The following MMRN1 variants were observed in gnomAD, a reference collection of about 807,000 sequenced individuals.
MMRN1 encodes the protein multimerin-1.
A neutral mutation model predicts 100.7 loss-of-function variants in MMRN1; 94 were observed. The observed-to-expected ratio is 0.93, with a 90% confidence interval of 0.79 to 1.11. The LOEUF (loss-of-function observed/expected upper bound fraction) is 1.11, where lower values mean the gene tolerates loss of function less well. Among genes scored for constraint, MMRN1 ranks in the 50% least tolerant of loss-of-function variants. MMRN1 has a pLI of 0.00. For missense variants in MMRN1, 1,606 were observed against 1,439.1 expected, an observed-to-expected ratio of 1.12 and a Z score of -1.88; for synonymous variants, 575 against 505.0, an observed-to-expected ratio of 1.14 and a Z score of -1.86.
rs556319285 is a variant in MMRN1 at position 89,888,648 on chromosome 4, G to A, written c.-248-6076G>A. Among the ~76,000 whole-genome samples, 7 of 151,588 alleles carry A rather than the reference G, an allele frequency of 4.6e-5. No homozygotes were observed. In the South Asian group the frequency reaches 1.5e-3, roughly 31 times the overall value. On this transcript the variant is annotated intron_variant, in intron 1 of 8. Transcript: ENST00000394980. ...TCGTTCACATATTCATCTTTTTTGT[G>A]TTTCAGTTTTGATAATCTCTTCTGA... is the stretch of plus-strand genomic sequence containing the variant.
intron 3 of MMRN1, among the ~76,000 whole-genome samples, chr4:89,922,158 G>T (rs1363988663): frequency 6.6e-6 from 1 of 152,134 alleles, no homozygotes; most frequent in African/African-American, 2.4e-5. Context: ...CAGCTGGAGT[G>T]CAGTGATGCC....
At chr4:89,925,188 G>A (rs1417053371) in intron 4 of MMRN1, among the ~76,000 whole-genome samples, 1 of 151,454 alleles carries the variant, frequency 6.6e-6, no homozygotes, top group East Asian at 1.9e-4. Context: ...CCAGGCAGGA[G>A]TGCAGTGGAG....
intron 1 of MMRN1, among the ~76,000 whole-genome samples, chr4:89,907,248 G>T (rs1721595983): frequency 6.6e-6 from 1 of 151,424 alleles, no homozygotes; most frequent in South Asian, 2.1e-4. Flanking sequence ...TGTCACCAGT[G>T]ATTTAACAAC....
At chr4:89,922,545 CAGTAG>C (rs1722123341) in intron 3 of MMRN1, among the ~76,000 whole-genome samples, 2 of 152,068 alleles carry the variant, frequency 1.3e-5, no homozygotes. Flanking sequence ...GTAAATTCTT[CAGTAG>C]AGTAGATTTA....
chr4:89,952,928 G>A (rs1275487381), intron 7 of MMRN1, 69 bp from the exon 8 acceptor site: 54 of 1,379,922 alleles, frequency 3.9e-5, no homozygotes, highest in Admixed American at 1.8e-4. Context: ...TAAAAATGAC[G>A]AAGATATAAG....
intron 2 of MMRN1, among the ~76,000 whole-genome samples, chr4:89,910,843 G>T (rs1235512856): frequency 6.6e-6 from 1 of 151,278 alleles, no homozygotes; most frequent in Non-Finnish European, 1.5e-5. Context: ...AAACTGAAAC[G>T]TAAGTCTCTA....
intron 5 of MMRN1, among the ~76,000 whole-genome samples, chr4:89,930,862 A>G (rs1157652126): frequency 6.6e-6 from 1 of 152,098 alleles, no homozygotes; most frequent in African/African-American, 2.4e-5. Flanking sequence ...AATGCTAAGC[A>G]AAATGTAGAA....
upstream of MMRN1, chr4:89,894,845 T>G: frequency 2.1e-6 from 3 of 1,440,516 alleles, no homozygotes; most frequent in African/African-American, 4.3e-5. Context: ...AGAAACCTGT[T>G]TCCTCTACAC....
chr4:89,916,423 G>A (rs1233077463), intron 3 of MMRN1, among the ~76,000 whole-genome samples: 1 of 150,778 alleles, frequency 6.6e-6, no homozygotes, highest in Non-Finnish European at 1.5e-5. Flanking sequence ...AAGCAAATGG[G>A]AAACTTTATG....
At chr4:89,900,174 A>G (rs1012725544) in intron 1 of MMRN1, among the ~76,000 whole-genome samples, 1 of 152,160 alleles carries the variant, frequency 6.6e-6, no homozygotes, top group Non-Finnish European at 1.5e-5. Context: ...CTATCTGACC[A>G]CTAGTGACTG....
At chr4:89,948,011 C>A (rs1364108895) in intron 6 of MMRN1, among the ~76,000 whole-genome samples, 1 of 152,062 alleles carries the variant, frequency 6.6e-6, no homozygotes, top group Non-Finnish European at 1.5e-5. Context: ...CACCACCACA[C>A]CCAGCTAATT....
At chr4:89,942,929 T>A (rs1489878429) in intron 6 of MMRN1, among the ~76,000 whole-genome samples, 1 of 152,198 alleles carries the variant, frequency 6.6e-6, no homozygotes, top group African/African-American at 2.4e-5. Context: ...CCAGACTTTA[T>A]AATCTTAAAC....
At chr4:89,897,526 G>A (rs532626288) in intron 1 of MMRN1, among the ~76,000 whole-genome samples, 139 of 152,068 alleles carry the variant, frequency 9.1e-4, no homozygotes, top group Middle Eastern at 3.4e-3. Flanking sequence ...TTAATAGAAA[G>A]GGAAATATAA....
intron 2 of MMRN1, among the ~76,000 whole-genome samples, chr4:89,910,553 T>C (rs1160946314): frequency 6.6e-6 from 1 of 151,404 alleles, no homozygotes; most frequent in Non-Finnish European, 1.5e-5. Context: ...GCAACAGATA[T>C]TCAGTTTGCC....
intron 6 of MMRN1, among the ~76,000 whole-genome samples, chr4:89,941,963 T>A (rs866793780): frequency 2.0e-5 from 3 of 152,150 alleles, no homozygotes; most frequent in Non-Finnish European, 4.4e-5. Flanking sequence ...TATGGAAGAA[T>A]GATGACAGCT....
chr4:89,950,448 T>A (rs1442152284), intron 6 of MMRN1, among the ~76,000 whole-genome samples: 2 of 152,180 alleles, frequency 1.3e-5, no homozygotes, highest in Non-Finnish European at 2.9e-5. Context: ...CAGTTTACAC[T>A]CCAGCCAGCA....
At chr4:89,889,038 A>G (rs1261973568) in intron 1 of MMRN1, among the ~76,000 whole-genome samples, 1 of 152,138 alleles carries the variant, frequency 6.6e-6, no homozygotes, top group Non-Finnish European at 1.5e-5. Flanking sequence ...AGTAAATAAT[A>G]TTTACCTCAG....
rs1024786467 is a variant in MMRN1, at chr4:89,927,977, G to T, written c.1129+9G>T. 2 of 1,532,384 alleles carry T rather than the reference G, an allele frequency of 1.3e-6. No individual in the cohort carries two copies. The highest frequency in any genetic ancestry group is 8.8e-7 in the Non-Finnish European group (1 of 1,135,880). 94.9% of individuals were successfully genotyped at this position (1,532,384 alleles called of 1,614,324 possible). ...TCAATCTCTTCTAAAAGGTAAAAAT[G>T]AAATAAAATAAAATATTCATTCAGT... On this transcript the variant is annotated intron_variant, in intron 5 of 7. Transcript: ENST00000264790.
Position 89,935,682 on chromosome 4 carries a change from C to A in MMRN1, c.2002C>A (p.Pro668Thr). Residue 668 changes from proline to threonine, a missense_variant, in exon 6 of 8, where the codon CCA (proline) becomes ACA (threonine). Physicochemically the swap from Pro to Thr is conservative, Grantham distance 38. Coordinates refer to ENST00000264790, the MANE Select transcript of MMRN1 (RefSeq NM_007351.3). ...SLRQTMTYEQ[P>T]KEAIVIRKKI... ...CAGACAGACAATGACATATGAACAA[C>A]CAAAGGAAGCAATAGTGATAAGGAA... 6.2e-7 allele frequency: 1 copy of A among 1,613,014 alleles called. No individual in the cohort carries two copies. The highest frequency in any genetic ancestry group is 1.3e-5 in the African/African-American group (1 of 74,952).
Sources: allele counts gnomAD v4.1 joint callset (sites outside exome capture counted in the v4.1 genomes callset), GRCh38; gene constraint gnomAD v4.1.1; transcripts MANE v1.5; gene names NCBI Gene and HGNC (gene_info 2026-07-23, HGNC 2026-07-21).